The following RAP1A variants were observed in gnomAD, a reference collection of about 807,000 sequenced individuals.
The protein encoded by RAP1A is ras-related protein Rap-1A.
A neutral mutation model predicts 26.4 loss-of-function variants in RAP1A; 6 were observed. The ratio of observed to expected loss-of-function variants is 0.23; its 90% CI spans 0.12 to 0.45. The LOEUF (loss-of-function observed/expected upper bound fraction) is 0.45, where lower values mean the gene tolerates loss of function less well. RAP1A is among the 20% of genes least tolerant of loss of function. The pLI, the probability that RAP1A is intolerant of heterozygous loss-of-function variation, is 0.99. For synonymous variants in RAP1A, 73 were observed against 79.4 expected, an observed-to-expected ratio of 0.92 and a Z score of 0.43; for missense variants, 121 against 217.2, an observed-to-expected ratio of 0.56 and a Z score of 2.78.
chr1:111,586,794 A>ACTC (rs1297079336), intron 1 of RAP1A, among the ~76,000 whole-genome samples: 1 of 152,246 alleles, frequency 6.6e-6, no homozygotes, highest in East Asian at 1.9e-4. Flanking sequence ...AATGTTGAGA[A>ACTC]GGCACTTTAC....
At chr1:111,641,795 T>C (rs2101119930) in intron 1 of RAP1A, among the ~76,000 whole-genome samples, 1 of 152,280 alleles carries the variant, frequency 6.6e-6, no homozygotes, top group East Asian at 1.9e-4. Context: ...ATAGTACAGA[T>C]TAGATAGACA....
intron 1 of RAP1A, among the ~76,000 whole-genome samples, chr1:111,572,283 A>G (rs1658065051): frequency 6.6e-6 from 1 of 152,250 alleles, no homozygotes; most frequent in South Asian, 2.1e-4. Flanking sequence ...GCAAACTCAG[A>G]GAGGATTGCC....
At chr1:111,696,651 CTAGT>C (rs1661838319) in intron 3 of RAP1A, among the ~76,000 whole-genome samples, 1 of 152,176 alleles carries the variant, frequency 6.6e-6, no homozygotes, top group African/African-American at 2.4e-5. Flanking sequence ...AAGTAAGTTG[CTAGT>C]TAAAGCTTTA....
intron 1 of RAP1A, among the ~76,000 whole-genome samples, chr1:111,644,138 C>G (rs986535723): frequency 6.6e-6 from 1 of 152,124 alleles, no homozygotes; most frequent in Non-Finnish European, 1.5e-5. Context: ...TAACTGGGTA[C>G]TATAGTCTAG....
chr1:111,691,626 T>A (rs1327336722), intron 2 of RAP1A, among the ~76,000 whole-genome samples: 2 of 152,232 alleles, frequency 1.3e-5, no homozygotes, highest in Non-Finnish European at 1.5e-5. Context: ...TTACCAAATA[T>A]TTATTGGCTA....
intron 1 of RAP1A, chr1:111,563,891 T>TC: frequency 1.9e-6 from 3 of 1,613,804 alleles, no homozygotes; most frequent in Non-Finnish European, 2.5e-6. Flanking sequence ...TGGCTGCTCT[T>TC]CCCAGGAGCT....
intron 1 of RAP1A, among the ~76,000 whole-genome samples, chr1:111,550,007 T>G (rs1451931743): frequency 6.6e-6 from 1 of 152,198 alleles, no homozygotes; most frequent in Non-Finnish European, 1.5e-5. Flanking sequence ...TTTGTTTACT[T>G]TTTATACATC....
At chr1:111,709,347 C>T (rs1662302359) in intron 7 of RAP1A, 83 bp downstream of exon 7, 1 of 1,378,434 alleles carries the variant, frequency 7.3e-7, no homozygotes, top group African/African-American at 1.5e-5. Flanking sequence ...CCCATTTCAT[C>T]TGTTATGGTA....
chr1:111,684,448 T>A (rs1168552205), intron 1 of RAP1A, among the ~76,000 whole-genome samples: 2 of 152,214 alleles, frequency 1.3e-5, no homozygotes, highest in African/African-American at 2.4e-5. Flanking sequence ...CAGCGAAGTC[T>A]CAGGATACAA....
chr1:111,661,270 T>A (rs1660627579), intron 1 of RAP1A, among the ~76,000 whole-genome samples: 1 of 152,204 alleles, frequency 6.6e-6, no homozygotes, highest in Non-Finnish European at 1.5e-5. Context: ...ACTAAGTGAT[T>A]AAATTTGTCA....
At chr1:111,711,790 G>A (rs74109867) in intron 7 of RAP1A, among the ~76,000 whole-genome samples, 6,568 of 152,204 alleles carry the variant, frequency 0.043, 287 homozygotes, top group African/African-American at 0.11. Flanking sequence ...AGGCAAAATT[G>A]TATTGAATCA....
At chr1:111,600,010 G>A (rs1385633500) in intron 1 of RAP1A, 1 of 154,078 alleles carries the variant, frequency 6.5e-6, no homozygotes, top group African/African-American at 2.4e-5. Flanking sequence ...GTGATGCGCT[G>A]GCTTCCTCTT....
intron 1 of RAP1A, among the ~76,000 whole-genome samples, chr1:111,591,007 T>C (rs1658462475): frequency 6.6e-6 from 1 of 152,214 alleles, no homozygotes; most frequent in Non-Finnish European, 1.5e-5. Context: ...ATAAATCCCT[T>C]TAGCCCTGGT....
chr1:111,644,888 T>G (rs1454936232), intron 1 of RAP1A, among the ~76,000 whole-genome samples: 1 of 152,222 alleles, frequency 6.6e-6, no homozygotes, highest in Non-Finnish European at 1.5e-5. Context: ...AAAAAAGATT[T>G]GTTTTTGTTT....
At chr1:111,586,879 C>T (rs896197457) in intron 1 of RAP1A, among the ~76,000 whole-genome samples, 11 of 152,134 alleles carry the variant, frequency 7.2e-5, no homozygotes, top group Admixed American at 7.2e-4. Flanking sequence ...AAAATCATGG[C>T]GACCCAACCT....
intron 1 of RAP1A, among the ~76,000 whole-genome samples, chr1:111,625,443 G>C (rs942826437): frequency 6.6e-6 from 1 of 152,084 alleles, no homozygotes; most frequent in Non-Finnish European, 1.5e-5. Flanking sequence ...TAAGTTAGTA[G>C]TGGAAATCTC....
chr1:111,582,518 G>A (rs554350956), intron 1 of RAP1A, among the ~76,000 whole-genome samples: 6 of 152,222 alleles, frequency 3.9e-5, no homozygotes, highest in African/African-American at 1.2e-4. Flanking sequence ...CAGCAAAAAC[G>A]AGCTATGTAA....
rs866619535 is a variant in RAP1A, at chr1:111,606,590, C to T, written c.-28+64081C>T. Among the ~76,000 whole-genome samples the T allele has an allele frequency of 2.0e-5, 3 of 152,136 alleles. No homozygotes were observed. The South Asian group carries it at 6.2e-4, about 32-fold the overall frequency. Reference sequence around the variant, plus strand: ...TGAGCCAAGAGTGTGCCCAGCCGTGCTTAGCACCATACAGGGAGTCTGCAG... The same window carrying T: ...TGAGCCAAGAGTGTGCCCAGCCGTGTTTAGCACCATACAGGGAGTCTGCAG... On this transcript the variant is annotated intron_variant, in intron 1 of 7. Coordinates refer to the RAP1A transcript ENST00000356415.
upstream of RAP1A, among the ~76,000 whole-genome samples, chr1:111,617,162 G>C (rs1330331684): frequency 2.0e-5 from 3 of 152,174 alleles, no homozygotes; most frequent in Non-Finnish European, 4.4e-5. Context: ...GACCCCACCA[G>C]GGCACGTGGC....
Sources: allele counts gnomAD v4.1 joint callset (sites outside exome capture counted in the v4.1 genomes callset), GRCh38; gene constraint gnomAD v4.1.1; transcripts MANE v1.5; gene names NCBI Gene and HGNC (gene_info 2026-07-23, HGNC 2026-07-21).